Variants in SLC35F3 observed in about 807,000 individuals in gnomAD.
SLC35F3 encodes the protein solute carrier family 35 member F3.
A neutral mutation model predicts 49.9 loss-of-function variants in SLC35F3; 25 were observed. The ratio of observed to expected loss-of-function variants is 0.50; its 90% confidence interval spans 0.37 to 0.70. The LOEUF (loss-of-function observed/expected upper bound fraction) is 0.70, where lower values mean the gene tolerates loss of function less well. Ranked by LOEUF, SLC35F3 falls within the 30% of genes least tolerant of loss-of-function variation. SLC35F3 has a pLI of 0.00. For synonymous variants in SLC35F3, 275 were observed against 265.4 expected, an observed-to-expected ratio of 1.04 and a Z score of -0.35; for missense variants, 525 against 639.8, an observed-to-expected ratio of 0.82 and a Z score of 1.94.
At chr1:234,315,466 T>A (rs1657466753) in intron 4 of SLC35F3, among the ~76,000 whole-genome samples, 1 of 152,248 alleles carries the variant, frequency 6.6e-6, no homozygotes, top group Non-Finnish European at 1.5e-5. Flanking sequence ...ACCTGAAATC[T>A]GACTGTGCTC....
At chr1:234,139,951 T>TAATAAAAAATAAAATAAAATAAAATAA (rs1553308863) in intron 2 of SLC35F3, among the ~76,000 whole-genome samples, 1 of 90,564 alleles carries the variant, frequency 1.1e-5, no homozygotes, top group Non-Finnish European at 2.3e-5. Context: ...CATCTCAAAA[T>TAATAAAAAATAAAATAAAATAAAATAA]AATAAAATAA....
At chr1:233,908,247 A>T (rs1436216189) in intron 2 of SLC35F3, among the ~76,000 whole-genome samples, 2 of 152,036 alleles carry the variant, frequency 1.3e-5, no homozygotes, top group Non-Finnish European at 2.9e-5. Context: ...GGAAGCTCCA[A>T]GCTATTATGT....
At chr1:233,992,903 G>A (rs1400992225) in intron 2 of SLC35F3, among the ~76,000 whole-genome samples, 1 of 152,156 alleles carries the variant, frequency 6.6e-6, no homozygotes, top group African/African-American at 2.4e-5. Flanking sequence ...AAGGGAAAGT[G>A]GGAGGGCAGC....
intron 2 of SLC35F3, among the ~76,000 whole-genome samples, chr1:233,910,340 C>T (rs1212803960): frequency 6.6e-6 from 1 of 152,186 alleles, no homozygotes; most frequent in African/African-American, 2.4e-5. Flanking sequence ...TAGGGTGGGA[C>T]AGCTGGTGGC....
intron 3 of SLC35F3, among the ~76,000 whole-genome samples, chr1:234,258,730 A>G (rs553975626): frequency 6.6e-6 from 1 of 152,264 alleles, no homozygotes; most frequent in Non-Finnish European, 1.5e-5. Context: ...CAGCTATGTC[A>G]GATTTCTCTC....
intron 3 of SLC35F3, among the ~76,000 whole-genome samples, chr1:234,233,933 A>C (rs1420281609): frequency 6.6e-6 from 1 of 152,240 alleles, no homozygotes; most frequent in Non-Finnish European, 1.5e-5. Flanking sequence ...TTTACCAGCC[A>C]ATTATTAGGC....
Position 234,012,251 on chromosome 1 carries a change from T to C in SLC35F3, c.283+106493T>C, listed in dbSNP as rs150395053. On this transcript the variant is annotated intron_variant, in intron 2 of 7. Transcript: ENST00000366618. ...GCCATAGGGTGGTTTTTCTCCTATC[T>C]CAGAATTGAACAAATGTACAATTGG... Among the ~76,000 whole-genome samples, 842 of 152,358 alleles carry C rather than the reference T, an allele frequency of 5.5e-3. 4 individuals carry two copies. The highest frequency in any genetic ancestry group is 0.019 in the African/African-American group (796 of 41,584).
chr1:234,077,336 A>G (rs908260599), intron 2 of SLC35F3, among the ~76,000 whole-genome samples: 7 of 152,230 alleles, frequency 4.6e-5, no homozygotes, highest in Non-Finnish European at 1.0e-4. Context: ...ACAGTTCAAC[A>G]TGTCTGGAGA....
chr1:234,147,030 G>T (rs779288010), intron 2 of SLC35F3, among the ~76,000 whole-genome samples: 17 of 152,126 alleles, frequency 1.1e-4, no homozygotes, highest in African/African-American at 3.9e-4. Flanking sequence ...TTTACACCCA[G>T]TGCTGCTACT....
chr1:233,974,174 CTTTTTTTT>C (rs757673463), intron 2 of SLC35F3, among the ~76,000 whole-genome samples: 85 of 83,116 alleles, frequency 1.0e-3, no homozygotes, highest in African/African-American at 4.5e-3. Context: ...ATTTCTATTT[CTTTTTTTT>C]TTTTTTTTTT....
chr1:234,278,090 G>A (rs373596021), intron 3 of SLC35F3, among the ~76,000 whole-genome samples: 9 of 152,150 alleles, frequency 5.9e-5, no homozygotes, highest in African/African-American at 1.9e-4. Context: ...CTGCTCAGGA[G>A]GCTAAGGTGG....
chr1:234,131,044 A>C (rs1239861373), intron 2 of SLC35F3, among the ~76,000 whole-genome samples: 1 of 152,206 alleles, frequency 6.6e-6, no homozygotes, highest in Non-Finnish European at 1.5e-5. Flanking sequence ...CATATTGTAC[A>C]ATTTTATGTT....
chr1:234,132,419 A>T (rs1049431584), intron 2 of SLC35F3, among the ~76,000 whole-genome samples: 1 of 152,256 alleles, frequency 6.6e-6, no homozygotes, highest in Non-Finnish European at 1.5e-5. Flanking sequence ...ATTGCTAAGA[A>T]TATACAAAAT....
At position 234,214,090 on chromosome 1, in the gene SLC35F3, A is replaced by T; in HGVS notation, c.284-17327A>T. Reference sequence around the variant, plus strand: ...AGGGCTTCTCAGAGAGGTGGTGGCCAGAGGCTGCAGTCAGGACCTGGCTGG... The same window carrying T: ...AGGGCTTCTCAGAGAGGTGGTGGCCTGAGGCTGCAGTCAGGACCTGGCTGG... On this transcript the variant is annotated intron_variant, in intron 2 of 7. Coordinates refer to ENST00000366618, the MANE Select transcript of SLC35F3 (RefSeq NM_173508.4). This position sits in a 1 kb window ranked among gnomAD's most constrained non-coding sequence, Gnocchi z 8.0. The T allele has an allele frequency of 1.2e-6, 1 of 818,130 alleles. No homozygotes were observed. The highest frequency in any genetic ancestry group is 5.6e-5 in the South Asian group (1 of 17,968). The allele number at this position is 818,130 out of a possible 1,614,324, so 50.7% of individuals were successfully genotyped here.
intron 3 of SLC35F3, among the ~76,000 whole-genome samples, chr1:234,240,907 A>G (rs1285855009): frequency 6.6e-6 from 1 of 152,212 alleles, no homozygotes. Flanking sequence ...GGAGGGGCAG[A>G]GAACTGATGT....
At chr1:234,000,106 T>G (rs1663528298) in intron 2 of SLC35F3, among the ~76,000 whole-genome samples, 1 of 152,132 alleles carries the variant, frequency 6.6e-6, no homozygotes, top group Non-Finnish European at 1.5e-5. Flanking sequence ...ATTCAAAGAT[T>G]TTTAAAGTGA....
At chr1:234,197,234 G>A (rs967723514) in intron 2 of SLC35F3, among the ~76,000 whole-genome samples, 2 of 152,240 alleles carry the variant, frequency 1.3e-5, no homozygotes, top group African/African-American at 4.8e-5. Context: ...CTGGGAGACA[G>A]GGACCCTATC....
intron 2 of SLC35F3, among the ~76,000 whole-genome samples, chr1:234,108,568 A>G (rs1305575731): frequency 2.7e-5 from 3 of 110,068 alleles, no homozygotes; most frequent in Non-Finnish European, 4.9e-5. Flanking sequence ...AAAGATATAT[A>G]TTATTTATAT....
At chr1:234,055,770 C>T (rs916723928) in intron 2 of SLC35F3, among the ~76,000 whole-genome samples, 2 of 152,156 alleles carry the variant, frequency 1.3e-5, no homozygotes, top group African/African-American at 4.8e-5. Flanking sequence ...TGTTCCTATT[C>T]GGCCATCTTG....
Sources: allele counts gnomAD v4.1 joint callset (sites outside exome capture counted in the v4.1 genomes callset), GRCh38; gene constraint gnomAD v4.1.1; non-coding constraint Gnocchi (gnomAD v3.1); transcripts MANE v1.5; gene names NCBI Gene and HGNC (gene_info 2026-07-23, HGNC 2026-07-21).